Variants in MGAM2 observed in about 807,000 individuals in gnomAD.
MGAM2 encodes the protein probable maltase-glucoamylase 2.
Under a neutral mutation model 96.1 loss-of-function variants are expected in MGAM2, and 98 were observed. That is an observed-to-expected ratio of 1.02 (90% CI 0.87 to 1.21). The LOEUF is 1.21. Ranked by LOEUF, MGAM2 falls within the 50% of genes most tolerant of loss-of-function variation. MGAM2 has a pLI of 0.00. For missense variants in MGAM2, 2,055 were observed against 1,182.4 expected (o/e 1.74, Z -10.82); for synonymous variants, 749 against 414.8 (o/e 1.81, Z -9.79).
chr7:142,196,055 C>A, intron 37 of MGAM2, 99 bp from the exon 38 acceptor site: 1 of 691,078 alleles, frequency 1.4e-6, no homozygotes, highest in Non-Finnish European at 2.6e-6. Flanking sequence ...TTATCTGACT[C>A]GGACCGAAGT....
At chr7:142,168,694 A>T (rs1178535229) in intron 26 of MGAM2, among the ~76,000 whole-genome samples, 1 of 152,240 alleles carries the variant, frequency 6.6e-6, no homozygotes, top group African/African-American at 2.4e-5. Context: ...AATGTGAGCC[A>T]CACATATCTT....
chr7:142,176,869 G>A (rs553934937), intron 32 of MGAM2, among the ~76,000 whole-genome samples: 5 of 152,224 alleles, frequency 3.3e-5, no homozygotes, highest in African/African-American at 1.2e-4. Context: ...AAACACCAAT[G>A]CATTCTTTTT....
At chr7:142,146,160 T>C (rs998035158) in intron 14 of MGAM2, among the ~76,000 whole-genome samples, 3 of 101,010 alleles carry the variant, frequency 3.0e-5, no homozygotes, top group Non-Finnish European at 6.8e-5. Flanking sequence ...TTTTTTTTTT[T>C]CTTAATTTCT....
intron 31 of MGAM2, among the ~76,000 whole-genome samples, chr7:142,174,077 T>C (rs957239018): frequency 2.0e-5 from 3 of 152,228 alleles, no homozygotes; most frequent in African/African-American, 7.2e-5. Flanking sequence ...TTTTGATTAC[T>C]GTAGCCCTGT....
At chr7:142,219,262 G>T (rs190496147) in intron 47 of MGAM2, among the ~76,000 whole-genome samples, 6 of 152,128 alleles carry the variant, frequency 3.9e-5, no homozygotes, top group African/African-American at 1.4e-4. Flanking sequence ...TTTCTAAAAC[G>T]TGAAATGAGT....
At chr7:142,188,399 G>GT (rs879925656) in intron 36 of MGAM2, among the ~76,000 whole-genome samples, 1 of 151,992 alleles carries the variant, frequency 6.6e-6, no homozygotes, top group East Asian at 1.9e-4. Flanking sequence ...AAGACCAGGA[G>GT]TTTGAGTCTT....
chr7:142,212,441 G>A (rs902163215), intron 46 of MGAM2, among the ~76,000 whole-genome samples: 1 of 152,166 alleles, frequency 6.6e-6, no homozygotes, highest in Non-Finnish European at 1.5e-5. Context: ...CCACTGGTGT[G>A]CTGTATTCAG....
chr7:142,178,533 T>C (rs897811193), intron 32 of MGAM2, among the ~76,000 whole-genome samples: 1 of 152,150 alleles, frequency 6.6e-6, no homozygotes, highest in Non-Finnish European at 1.5e-5. Context: ...TTTTTGTATA[T>C]AGTGAAAGGT....
intron 25 of MGAM2, among the ~76,000 whole-genome samples, chr7:142,166,977 T>C (rs905952473): frequency 3.9e-5 from 6 of 152,196 alleles, no homozygotes; most frequent in Non-Finnish European, 8.8e-5. Flanking sequence ...CATGTGTACA[T>C]GTCTATCTCT....
At chr7:142,211,548 C>T (rs1212884126) in intron 46 of MGAM2, among the ~76,000 whole-genome samples, 1 of 152,052 alleles carries the variant, frequency 6.6e-6, no homozygotes, top group African/African-American at 2.4e-5. Context: ...GAAGCAAACA[C>T]AAGTATCAAT....
intron 15 of MGAM2, 34 bp from the exon 16 acceptor site, chr7:142,153,984 C>T: frequency 1.8e-6 from 1 of 558,922 alleles, no homozygotes; most frequent in Non-Finnish European, 3.4e-6. Context: ...ATTCACAGCC[C>T]ACCTCACACT....
At chr7:142,129,616 G>A (rs1585146218) in intron 3 of MGAM2, among the ~76,000 whole-genome samples, 1 of 151,856 alleles carries the variant, frequency 6.6e-6, no homozygotes, top group African/African-American at 2.4e-5. Flanking sequence ...CCTGAGGTCA[G>A]GAGTTCGAGA....
intron 3 of MGAM2, among the ~76,000 whole-genome samples, chr7:142,121,594 T>C (rs2129074512): frequency 6.6e-6 from 1 of 152,076 alleles, no homozygotes; most frequent in Middle Eastern, 3.4e-3. Flanking sequence ...ACTGTAAATA[T>C]AATCCATTAT....
chr7:142,148,850 C>G lies in MGAM2; in HGVS notation c.1634+1277C>G, dbSNP rs1795468095. 6.6e-6 allele frequency among the ~76,000 whole-genome samples: 1 copy of G among 152,108 alleles called. No individual in the cohort carries two copies. The highest frequency in any genetic ancestry group is 1.5e-5 in the Non-Finnish European group (1 of 68,022). ...ATGGGTTTATGGGGCCTGTCTCAGT[C>G]CTTTTCTTACTTGACTTCTCTTTCT... On this transcript the variant is annotated intron_variant, in intron 15 of 47. Coordinates refer to ENST00000477922, the MANE Select transcript of MGAM2 (RefSeq NM_001293626.2). The surrounding 1 kb of genome is among the most constrained non-coding windows in gnomAD (Gnocchi z 4.2).
chr7:142,198,572 A>G (rs1797123668), intron 43 of MGAM2, 43 bp from the exon 44 acceptor site: 5 of 697,346 alleles, frequency 7.2e-6, no homozygotes, highest in Admixed American at 2.0e-5. Flanking sequence ...CTCATTTAAT[A>G]TATTTATCTC....
chr7:142,187,928 C>T, intron 36 of MGAM2, 94 bp downstream of exon 36: 1 of 635,246 alleles, frequency 1.6e-6, no homozygotes, highest in South Asian at 1.7e-5. Flanking sequence ...ATGTTGAAGA[C>T]AGAAACCATT....
At chr7:142,133,342 A>G (rs950023239) in intron 6 of MGAM2, among the ~76,000 whole-genome samples, 3 of 148,754 alleles carry the variant, frequency 2.0e-5, no homozygotes, top group Admixed American at 6.8e-5. Context: ...ATACACAGAA[A>G]TATACTTGTG....
chr7:142,113,782 C>T lies in MGAM2; in HGVS notation c.-1+1975C>T, dbSNP rs572190649. Among the ~76,000 whole-genome samples, 247 of 152,150 alleles carry T rather than the reference C, an allele frequency of 1.6e-3. 1 individual carries two copies. Among genetic ancestry groups the T allele is most frequent in the African/African-American group, 5.8e-3 (242 of 41,514 alleles). On this transcript the variant is annotated intron_variant, in intron 1 of 47. Coordinates refer to ENST00000477922, the MANE Select transcript of MGAM2 (RefSeq NM_001293626.2). The stretch of plus-strand genomic sequence containing the variant: ...CACATGAGTGGTGGAGATTACCCAA[C>T]GTGTCTGCGTAGTTTAAAAAAGAAG...
At chr7:142,118,911 G>C (rs572227492) in intron 2 of MGAM2, among the ~76,000 whole-genome samples, 8 of 152,112 alleles carry the variant, frequency 5.3e-5, no homozygotes, top group Non-Finnish European at 1.2e-4. Flanking sequence ...AAATAAAAAT[G>C]TCTGTGACCT....
Sources: allele counts gnomAD v4.1 joint callset (sites outside exome capture counted in the v4.1 genomes callset), GRCh38; gene constraint gnomAD v4.1.1; non-coding constraint Gnocchi (gnomAD v3.1); transcripts MANE v1.5; gene names NCBI Gene and HGNC (gene_info 2026-07-23, HGNC 2026-07-21).